The following BPIFB3 variants were observed in gnomAD, a reference collection of about 807,000 sequenced individuals.
BPIFB3 encodes the protein BPI fold-containing family B member 3.
Under a neutral mutation model 53.1 loss-of-function variants are expected in BPIFB3, and 49 were observed. The observed-to-expected ratio is 0.92, with a 90% CI of 0.73 to 1.17. The LOEUF (loss-of-function observed/expected upper bound fraction) is 1.17, where lower values mean the gene tolerates loss of function less well. Ranked by LOEUF, BPIFB3 falls within the 50% of genes most tolerant of loss-of-function variation. The probability of loss-of-function intolerance (pLI) is 0.00; values close to 1 mark genes in which losing one functional copy is unlikely to be tolerated. For synonymous variants in BPIFB3, 271 were observed against 269.6 expected, an observed-to-expected ratio of 1.01 and a Z score of -0.05; for missense variants, 628 against 592.5, an observed-to-expected ratio of 1.06 and a Z score of -0.62.
chr20:33,066,467 T>C (rs1980674911), intron 8 of BPIFB3, among the ~76,000 whole-genome samples: 1 of 151,946 alleles, frequency 6.6e-6, no homozygotes, highest in Non-Finnish European at 1.5e-5. Flanking sequence ...GAGTAAAAGG[T>C]TTTGAAGTTA....
chr20:33,068,946 C>T, exon 10 of BPIFB3: 11 of 1,613,786 alleles, frequency 6.8e-6, no homozygotes, highest in Non-Finnish European at 8.5e-6. Flanking sequence ...CTAAGGGGAC[C>T]CCTGAATCCC....
exon 14 of BPIFB3, chr20:33,072,762 A>G (rs200749582): frequency 2.3e-5 from 37 of 1,613,714 alleles, no homozygotes; most frequent in East Asian, 1.1e-4. Context: ...CTTAATATCA[A>G]TTTTTCCAAT....
chr20:33,063,100 A>C (rs1447884875), intron 5 of BPIFB3, among the ~76,000 whole-genome samples: 1 of 152,142 alleles, frequency 6.6e-6, no homozygotes, highest in Non-Finnish European at 1.5e-5. Flanking sequence ...CTTGCTCCCT[A>C]TTCTCCTAGC....
intron 11 of BPIFB3, 90 bp from the exon 13 acceptor site, chr20:33,071,163 G>A: frequency 1.7e-6 from 2 of 1,143,536 alleles, no homozygotes; most frequent in Non-Finnish European, 2.4e-6. Flanking sequence ...CCTGTTTCCT[G>A]ATGATGAGAG....
intron 9 of BPIFB3, among the ~76,000 whole-genome samples, chr20:33,068,278 G>A (rs1433937706): frequency 4.6e-5 from 7 of 152,266 alleles, no homozygotes; most frequent in Admixed American, 6.5e-5. Context: ...TGGCTTAGGA[G>A]TGCTGGCTGG....
chr20:33,060,893 G>T (rs1160176647), intron 4 of BPIFB3, among the ~76,000 whole-genome samples: 1 of 152,156 alleles, frequency 6.6e-6, no homozygotes, highest in Non-Finnish European at 1.5e-5. Context: ...TGGGACCATG[G>T]AGGCCCAGAG....
At chr20:33,057,349 G>C (rs766197210) in intron 2 of BPIFB3, among the ~76,000 whole-genome samples, 7 of 151,818 alleles carry the variant, frequency 4.6e-5, no homozygotes, top group Non-Finnish European at 7.4e-5. Flanking sequence ...CCACCACGAC[G>C]GGCTAATTTT....
intron 2 of BPIFB3, among the ~76,000 whole-genome samples, chr20:33,057,986 T>C (rs1203805799): frequency 6.6e-6 from 1 of 152,154 alleles, no homozygotes; most frequent in Non-Finnish European, 1.5e-5. Context: ...ATGAACTGCA[T>C]TTAACAGGTG....
At chr20:33,057,659 A>T (rs1490021184) in intron 2 of BPIFB3, among the ~76,000 whole-genome samples, 2 of 151,916 alleles carry the variant, frequency 1.3e-5, no homozygotes, top group Non-Finnish European at 2.9e-5. Context: ...ATTCCAGAAC[A>T]CCGCTACTAG....
intron 8 of BPIFB3, 41 bp from the exon 10 acceptor site, chr20:33,066,783 G>C (rs755124114): frequency 1.6e-5 from 26 of 1,595,682 alleles, no homozygotes; most frequent in Non-Finnish European, 1.1e-5. Flanking sequence ...TTCCTGTTCT[G>C]TCTCTGTGCT....
intron 4 of BPIFB3, among the ~76,000 whole-genome samples, chr20:33,061,479 C>T (rs1476284568): frequency 2.0e-5 from 3 of 152,306 alleles, no homozygotes; most frequent in East Asian, 3.9e-4. Flanking sequence ...AGGAGACAGA[C>T]ATTTGTCAAG....
intron 8 of BPIFB3, 90 bp from the exon 10 acceptor site, chr20:33,066,733 GA>G (rs1980685314): frequency 8.2e-7 from 1 of 1,223,382 alleles, no homozygotes; most frequent in African/African-American, 1.5e-5. Flanking sequence ...AGGGTAGGGG[GA>G]AGAGTGGTGA....
intron 10 of BPIFB3, 149 bp downstream of exon 11, chr20:33,069,122 G>C (rs1176467117): frequency 1.7e-5 from 15 of 873,140 alleles, no homozygotes; most frequent in Non-Finnish European, 2.5e-5. Context: ...CACAACCACT[G>C]TCATCATCTG....
intron 9 of BPIFB3, among the ~76,000 whole-genome samples, chr20:33,067,214 C>G (rs1439480196): frequency 6.6e-6 from 1 of 152,138 alleles, no homozygotes; most frequent in Non-Finnish European, 1.5e-5. Flanking sequence ...CTTCAATGTC[C>G]CCAGAGAAAA....
downstream of BPIFB3, chr20:33,073,759 C>G (rs932414756): frequency 2.4e-6 from 2 of 819,248 alleles, no homozygotes; most frequent in Non-Finnish European, 3.9e-6. Context: ...TGGGAACTGC[C>G]TGGCTAATCA....
chr20:33,057,617 G>T (rs1395635319), intron 2 of BPIFB3, among the ~76,000 whole-genome samples: 1 of 151,990 alleles, frequency 6.6e-6, no homozygotes, highest in Admixed American at 6.5e-5. Flanking sequence ...GAACACTCCT[G>T]CTGTGGTCTG....
At position 33,055,615 on chromosome 20, in the gene BPIFB3, A is replaced by G. The variant is rs1013515136; in HGVS notation, c.124+68A>G. On this transcript the variant is annotated intron_variant, in intron 1 of 14. Coordinates refer to ENST00000375494, the Ensembl canonical transcript of BPIFB3. ...TCAACGACTCAATCTATATGCTTAG[A>G]GCATCTGCTTTAAGAGCAGATAAGA... 15 of 1,602,418 alleles carry G rather than the reference A, an allele frequency of 9.4e-6. No individual in the cohort carries two copies. In the African/African-American group the frequency reaches 1.7e-4, roughly 19 times the overall value.
rs199722228 is a variant in BPIFB3 at position 33,068,848 on chromosome 20, C to T, written c.1024C>T (p.Arg342Trp). The change falls in exon 10 of 15, where the codon CGG becomes TGG. Residue 342 changes from arginine to tryptophan, a missense_variant. Transcript: ENST00000375494. ...GCACCAGCAACTCCTACTGTTCCTG[C>T]GGGTGAGGGAAGCTCCCACGGTCAC... 5.4e-5 allele frequency: 87 copies of T among 1,613,830 alleles called. 1 individual carries two copies. The highest frequency in any genetic ancestry group is 8.9e-5 in the East Asian group (4 of 44,880).
intron 8 of BPIFB3, 56 bp downstream of exon 9, chr20:33,064,901 G>T: frequency 3.8e-6 from 6 of 1,563,508 alleles, no homozygotes; most frequent in Non-Finnish European, 5.2e-6. Context: ...CTGTGCCTTG[G>T]CATTACTAGT....
Sources: allele counts gnomAD v4.1 joint callset (sites outside exome capture counted in the v4.1 genomes callset), GRCh38; gene constraint gnomAD v4.1.1; transcripts MANE v1.5; gene names NCBI Gene and HGNC (gene_info 2026-07-23, HGNC 2026-07-21).